The following TPST2 variants were observed in gnomAD, a reference collection of about 807,000 sequenced individuals.
The protein encoded by TPST2 is tyrosylprotein sulfotransferase 2.
TPST2 carries 16 observed loss-of-function variants against 27.8 expected under a neutral mutation model. The observed-to-expected ratio is 0.58, with a 90% CI of 0.39 to 0.88. The LOEUF (loss-of-function observed/expected upper bound fraction) is 0.88. Among genes scored for constraint, TPST2 ranks in the 40% least tolerant of loss-of-function variants. The pLI is 0.00. For missense variants in TPST2, 464 were observed against 543.1 expected (o/e 0.85, Z 1.45); for synonymous variants, 229 against 231.7 (o/e 0.99, Z 0.10).
At chr22:26,580,651 A>T (rs1366790407) in intron 1 of TPST2, among the ~76,000 whole-genome samples, 3 of 152,200 alleles carry the variant, frequency 2.0e-5, no homozygotes, top group South Asian at 2.1e-4. Context: ...TGCCCTAATT[A>T]AAAAATTAAT....
At chr22:26,550,043 AAAAAAAAC>A (rs1767757143) in intron 1 of TPST2, among the ~76,000 whole-genome samples, 1 of 124,218 alleles carries the variant, frequency 8.1e-6, no homozygotes, top group East Asian at 2.3e-4. Flanking sequence ...CCATCTCAAA[AAAAAAAAC>A]AAAAAAAACA....
intron 3 of TPST2, among the ~76,000 whole-genome samples, chr22:26,539,535 G>A (rs1199040031): frequency 6.6e-6 from 1 of 151,900 alleles, no homozygotes; most frequent in Non-Finnish European, 1.5e-5. Flanking sequence ...GGCCAAGGCA[G>A]GAGGAAGGCT....
chr22:26,562,182 G>A (rs1927136443), intron 1 of TPST2, among the ~76,000 whole-genome samples: 2 of 152,212 alleles, frequency 1.3e-5, no homozygotes, highest in African/African-American at 4.8e-5. Flanking sequence ...GAGTCATGAA[G>A]GCAAGCCTAG....
At chr22:26,570,053 A>AAGAAAGACAGACAGAC (rs1927568203) in intron 1 of TPST2, among the ~76,000 whole-genome samples, 11 of 131,622 alleles carry the variant, frequency 8.4e-5, no homozygotes, top group Admixed American at 4.6e-4. Flanking sequence ...GACAGAAAGA[A>AAGAAAGACAGACAGAC]AGAAAGAAAG....
intron 1 of TPST2, chr22:26,555,435 G>T: frequency 2.8e-6 from 1 of 355,914 alleles, no homozygotes; most frequent in East Asian, 7.5e-5. Flanking sequence ...CAGTGGCCTT[G>T]AGCCAGTGAC....
chr22:26,542,499 C>A (rs932781503), intron 2 of TPST2, among the ~76,000 whole-genome samples: 4 of 152,200 alleles, frequency 2.6e-5, no homozygotes, highest in African/African-American at 9.7e-5. Flanking sequence ...TGATTTCTAT[C>A]ATAATCATTG....
Position 26,541,513 on chromosome 22 carries a change from T to C in TPST2, c.118A>G (p.Ser40Gly). 1 of 1,611,682 alleles carries C rather than the reference T, an allele frequency of 6.2e-7. No individual in the cohort carries two copies. ...TCAGGCCGCATGGCCCCCCGGGGGCTCCGCAGGCCCGCCAGCACCGCCCGG... is the reference window on the plus strand; with the variant it reads ...TCAGGCCGCATGGCCCCCCGGGGGCCCCGCAGGCCCGCCAGCACCGCCCGG... ...ECRAVLAGLR[S>G]PRGAMRPEQE... Residue 40 changes from serine (S) to glycine (G), a missense_variant, in exon 3 of 7, where the codon AGC becomes GGC. Physicochemically the swap from Ser to Gly is moderately conservative, Grantham distance 56. Coordinates refer to ENST00000338754, the MANE Select transcript of TPST2 (RefSeq NM_003595.5). This position sits in a 1 kb window ranked among gnomAD's most constrained non-coding sequence, Gnocchi z 5.9.
At chr22:26,542,866 C>T (rs917548074) in intron 2 of TPST2, among the ~76,000 whole-genome samples, 2 of 152,160 alleles carry the variant, frequency 1.3e-5, no homozygotes, top group Non-Finnish European at 2.9e-5. Flanking sequence ...AGGTTCCACC[C>T]AAAACCACCC....
intron 5 of TPST2, among the ~76,000 whole-genome samples, chr22:26,531,065 G>A (rs140796920): frequency 0.012 from 1,787 of 152,220 alleles, 38 homozygotes; most frequent in African/African-American, 0.041. Context: ...ACTTCCTGCC[G>A]TGTATGACAT....
At chr22:26,567,111 G>C (rs994587752) in intron 1 of TPST2, among the ~76,000 whole-genome samples, 1 of 152,294 alleles carries the variant, frequency 6.6e-6, no homozygotes, top group Middle Eastern at 3.4e-3. Context: ...GGGTAAGAGG[G>C]GGTGAGACTA....
In TPST2 at chr22:26,523,375, G is replaced by C. The variant is rs1212920217; in HGVS notation, c.*2900C>G. 6.6e-6 allele frequency: 1 copy of C among 152,132 alleles called. No individual in the cohort carries two copies. The highest frequency in any genetic ancestry group is 1.5e-5 in the Non-Finnish European group (1 of 68,024). The allele number at this position is 152,132 out of a possible 1,614,324, so 9.4% of individuals were successfully genotyped here. A position where few individuals can be genotyped will look rare whatever the true frequency, so the allele number is the denominator to read the frequency against. On this transcript the variant is annotated 3_prime_UTR_variant, in exon 7 of 7. Transcript: ENST00000338754. ...TACCTTTAGGAGCTATTGAGAGGAA[G>C]TACAAATAGAGCCACTTGCCTTCTT... is the stretch of plus-strand genomic sequence containing the variant.
At chr22:26,561,094 A>G in intron 1 of TPST2, 1 of 1,608,026 alleles carries the variant, frequency 6.2e-7, no homozygotes, top group East Asian at 2.2e-5. Flanking sequence ...GAGGAGGAAG[A>G]TGAGGAAGAT....
Position 26,553,369 on chromosome 22 carries a change from G to T in TPST2, c.-160-8694C>A, listed in dbSNP as rs1602276765. Among the ~76,000 whole-genome samples, 4 of 143,620 alleles carry T rather than the reference G, an allele frequency of 2.8e-5. No homozygotes were observed. In the South Asian group the frequency reaches 8.9e-4, roughly 32 times the overall value. The allele number at this position is 143,620 out of a possible 152,430, so 94.2% of individuals were successfully genotyped here. ...CAGAGAGGCTTGTGCATGCCTGGCA[G>T]TTTTTTTTTTTTTTTTTAAAGAGAC... On this transcript the variant is annotated intron_variant, in intron 1 of 6. Transcript: ENST00000338754.
Position 26,541,205 on chromosome 22 carries a change from C to A in TPST2, c.426G>T (p.Leu142=). 1.3e-6 allele frequency: 2 copies of A among 1,582,212 alleles called. No individual in the cohort carries two copies. The highest frequency in any genetic ancestry group is 1.7e-6 in the Non-Finnish European group (2 of 1,161,908). ...GCTCTCCGTGCTTGGCAATCACCTC[C>A]AGGATGAAGGCCTGCATGGCGGCGT... ...VLDAAMQAFI[L]EVIAKHGEPA... is the part of the protein sequence containing the mutation. Residue 142 remains leucine (L), a synonymous_variant, in exon 3 of 7, where the codon CTG becomes CTT. Transcript: ENST00000338754. The surrounding 1 kb of genome is among the most constrained non-coding windows in gnomAD (Gnocchi z 5.9).
intron 1 of TPST2, among the ~76,000 whole-genome samples, chr22:26,584,944 T>C (rs1171696429): frequency 2.0e-5 from 3 of 152,210 alleles, no homozygotes; most frequent in Admixed American, 1.3e-4. Flanking sequence ...CAAACGAACA[T>C]GTTCAAAATT....
intron 1 of TPST2, among the ~76,000 whole-genome samples, chr22:26,561,894 A>T (rs1927116351): frequency 1.3e-5 from 2 of 152,190 alleles, no homozygotes; most frequent in African/African-American, 4.8e-5. Flanking sequence ...TACAGGGAAC[A>T]TCTTTGCCAA....
chr22:26,560,796 G>A, intron 1 of TPST2: 2 of 1,354,422 alleles, frequency 1.5e-6, no homozygotes, highest in South Asian at 1.2e-5. Flanking sequence ...GAAGTTCAAG[G>A]ATCCGAATGC....
intron 1 of TPST2, among the ~76,000 whole-genome samples, chr22:26,569,235 A>T (rs1292181888): frequency 6.6e-6 from 1 of 152,146 alleles, no homozygotes; most frequent in Non-Finnish European, 1.5e-5. Context: ...CCGTTCCAGT[A>T]ACAGTTCCAT....
chr22:26,577,569 T>G (rs1927902379), intron 1 of TPST2, among the ~76,000 whole-genome samples: 1 of 151,694 alleles, frequency 6.6e-6, no homozygotes, highest in Admixed American at 6.6e-5. Flanking sequence ...CAGGATGGTC[T>G]CGAACTCCTG....
Sources: gnomAD v4.1 joint callset for allele counts (sites outside exome capture counted in the v4.1 genomes callset) on GRCh38, gnomAD v4.1.1 for gene constraint, Gnocchi (gnomAD v3.1) non-coding constraint, MANE v1.5 for transcripts, NCBI Gene and HGNC (gene_info 2026-07-23, HGNC 2026-07-21) for gene names.